The following IGSF3 variants were observed in gnomAD, a reference collection of about 807,000 sequenced individuals.
The protein encoded by IGSF3 is glu-Trp-Ile EWI motif-containing protein 3.
A neutral mutation model predicts 114.4 loss-of-function variants in IGSF3; 23 were observed. The observed-to-expected ratio is 0.20, with a 90% CI of 0.14 to 0.28. The LOEUF is 0.28. Among genes scored for constraint, IGSF3 ranks in the 10% least tolerant of loss-of-function variants. IGSF3 has a pLI of 1.00. For missense variants in IGSF3, 1,172 were observed against 1,591.5 expected (o/e 0.74, Z 4.48); for synonymous variants, 571 against 645.2 (o/e 0.88, Z 1.74).
Position 116,607,806 on chromosome 1 carries a change from T to A in IGSF3, c.1222+136A>T. 2 of 851,710 alleles carry A rather than the reference T, an allele frequency of 2.3e-6. No individual in the cohort carries two copies. The highest frequency in any genetic ancestry group is 3.8e-6 in the Non-Finnish European group (2 of 530,810). 52.8% of individuals were successfully genotyped at this position (851,710 alleles called of 1,614,324 possible). ...CAACAGGGAAGAGAGGCTCAATGGT[T>A]TTTCCCCCAGCTCTGCATTAACCTC... On this transcript the variant is annotated intron_variant, in intron 5 of 10. Transcript: ENST00000369486. The surrounding 1 kb of genome is among the most constrained non-coding windows in gnomAD (Gnocchi z 6.1).
Position 116,662,108 on chromosome 1 carries a change from T to C in IGSF3, c.43+4176A>G, listed in dbSNP as rs1053123586. Among the ~76,000 whole-genome samples, 4 of 151,988 alleles carry C rather than the reference T, an allele frequency of 2.6e-5. No homozygotes were observed. Among genetic ancestry groups the C allele is most frequent in the African/African-American group, 7.2e-5 (3 of 41,404 alleles). On this transcript the variant is annotated intron_variant, in intron 2 of 10. Transcript: ENST00000369486. This position sits in a 1 kb window ranked among gnomAD's most constrained non-coding sequence, Gnocchi z 4.3. ...TTTTTTTGAGACAGAGTTTTGCTCA[T>C]TGCCCAGGCTGGAGTGCAACGGCGC...
rs1288216908 is a variant in IGSF3 at position 116,577,042 on chromosome 1, C to A, written c.*270G>T. On this transcript the variant is annotated 3_prime_UTR_variant, in exon 11 of 11. Transcript: ENST00000369486. This position sits in a 1 kb window ranked among gnomAD's most constrained non-coding sequence, Gnocchi z 5.7. ...GATAAATCTGTGAGTAGATGTGGCA[C>A]CTGGAGCTACTCACTACATTACTAA... 4.7e-6 allele frequency: 2 copies of A among 422,114 alleles called. No homozygotes were observed. Among genetic ancestry groups the A allele is most frequent in the African/African-American group, 4.0e-5 (2 of 49,946 alleles). 26.1% of individuals were successfully genotyped at this position (422,114 alleles called of 1,614,324 possible). A position where few individuals can be genotyped will look rare whatever the true frequency, so the allele number is the denominator to read the frequency against.
At position 116,576,621 on chromosome 1, in the gene IGSF3, T is replaced by C. The variant is rs902620296; in HGVS notation, c.*691A>G. On this transcript the variant is annotated 3_prime_UTR_variant, in exon 11 of 11. Transcript: ENST00000369486. This position sits in a 1 kb window ranked among gnomAD's most constrained non-coding sequence, Gnocchi z 4.6. Reference sequence around the variant, plus strand: ...AGATAGGCCGGGCACCATCTACTCCTAATGGGGTTATGCAGGATTTCTCTT... The same window carrying C: ...AGATAGGCCGGGCACCATCTACTCCCAATGGGGTTATGCAGGATTTCTCTT... The C allele has an allele frequency of 6.5e-6, 1 of 152,682 alleles. No homozygotes were observed. The highest frequency in any genetic ancestry group is 2.4e-5 in the African/African-American group (1 of 41,462). 9.5% of individuals were successfully genotyped at this position (152,682 alleles called of 1,614,324 possible).
In IGSF3 at chr1:116,627,527, G is replaced by A. The variant is rs1375975154; in HGVS notation, c.44-11070C>T. 6.6e-6 allele frequency among the ~76,000 whole-genome samples: 1 copy of A among 152,192 alleles called. No homozygotes were observed. Among genetic ancestry groups the A allele is most frequent in the African/African-American group, 2.4e-5 (1 of 41,450 alleles). On this transcript the variant is annotated intron_variant, in intron 2 of 10. Coordinates refer to ENST00000369486, the MANE Select transcript of IGSF3 (RefSeq NM_001007237.3). This position sits in a 1 kb window ranked among gnomAD's most constrained non-coding sequence, Gnocchi z 4.7. ...TCCTGGAGCTGGCAGGGCCCCAGCAGTGCGCCTCTCAATGCTCTCACAGCT... is the reference window on the plus strand; with the variant it reads ...TCCTGGAGCTGGCAGGGCCCCAGCAATGCGCCTCTCAATGCTCTCACAGCT...
rs1649348935 is a variant in IGSF3 at position 116,666,745 on chromosome 1, T to C, written c.-419A>G. 1.3e-5 allele frequency: 6 copies of C among 456,876 alleles called. No individual in the cohort carries two copies. Among genetic ancestry groups the C allele is most frequent in the African/African-American group, 2.0e-5 (1 of 49,696 alleles). The allele number at this position is 456,876 out of a possible 1,614,324, so 28.3% of individuals were successfully genotyped here. A position where few individuals can be genotyped will look rare whatever the true frequency, so the allele number is the denominator to read the frequency against. On this transcript the variant is annotated 5_prime_UTR_variant, in exon 2 of 11. Coordinates refer to ENST00000369486, the MANE Select transcript of IGSF3 (RefSeq NM_001007237.3). Reference sequence around the variant, plus strand: ...GTGTCTGTGATCTCCCTCATTCGGATTCCCCAGAGAGAACAGGGCAGGTTT... The same window carrying C: ...GTGTCTGTGATCTCCCTCATTCGGACTCCCCAGAGAGAACAGGGCAGGTTT...
In IGSF3 at chr1:116,634,997, T is replaced by C. The variant is rs1647761183; in HGVS notation, c.44-18540A>G. On this transcript the variant is annotated intron_variant, in intron 2 of 10. Transcript: ENST00000369486. This position sits in a 1 kb window ranked among gnomAD's most constrained non-coding sequence, Gnocchi z 4.2. ...TAGTGTCCCAGCCCCAACCACCATC[T>C]GACTGTAACCCCATGAAAGACTGAG... is the stretch of plus-strand genomic sequence containing the variant. Among the ~76,000 whole-genome samples the C allele has an allele frequency of 6.6e-6, 1 of 152,226 alleles. No individual in the cohort carries two copies. Among genetic ancestry groups the C allele is most frequent in the Admixed American group, 6.5e-5 (1 of 15,284 alleles).
In IGSF3 at chr1:116,624,298, A is replaced by G. The variant is rs1224887197; in HGVS notation, c.44-7841T>C. ...AGCAGCAAACCTAAAGTTTGGATCGAATTCCTAAGTCTTCGCCTTCACTGA... is the reference window on the plus strand; with the variant it reads ...AGCAGCAAACCTAAAGTTTGGATCGGATTCCTAAGTCTTCGCCTTCACTGA... On this transcript the variant is annotated intron_variant, in intron 2 of 10. Coordinates refer to ENST00000369486, the MANE Select transcript of IGSF3 (RefSeq NM_001007237.3). This position sits in a 1 kb window ranked among gnomAD's most constrained non-coding sequence, Gnocchi z 4.9. Among the ~76,000 whole-genome samples, 3 of 152,096 alleles carry G rather than the reference A, an allele frequency of 2.0e-5. No homozygotes were observed. In the East Asian group the frequency reaches 5.8e-4, roughly 29 times the overall value.
In IGSF3 at chr1:116,627,633, T is replaced by C. The variant is rs1647355755; in HGVS notation, c.44-11176A>G. Reference sequence around the variant, plus strand: ...CTGCAGGCAGCGTCAGGATGTCAGCTACCAGGCAGCAGAGGGATGCGGGGC... The same window carrying C: ...CTGCAGGCAGCGTCAGGATGTCAGCCACCAGGCAGCAGAGGGATGCGGGGC... On this transcript the variant is annotated intron_variant, in intron 2 of 10. Coordinates refer to ENST00000369486, the MANE Select transcript of IGSF3 (RefSeq NM_001007237.3). The surrounding 1 kb of genome is among the most constrained non-coding windows in gnomAD (Gnocchi z 4.7). 6.6e-6 allele frequency among the ~76,000 whole-genome samples: 1 copy of C among 152,190 alleles called. No homozygotes were observed. Among genetic ancestry groups the C allele is most frequent in the Non-Finnish European group, 1.5e-5 (1 of 68,026 alleles).
rs964792052 is a variant in IGSF3 at position 116,628,563 on chromosome 1, AACCATTCCCC to A, written c.44-12116_44-12107del. The stretch of plus-strand genomic sequence containing the variant: ...CAACAGGGACTGTGAAGGGCCCCCA[AACCATTCCCC>A]ACCAAGAGTGTGGGTGGCAGGCACC... On this transcript the variant is annotated intron_variant, in intron 2 of 10. Transcript: ENST00000369486. The surrounding 1 kb of genome is among the most constrained non-coding windows in gnomAD (Gnocchi z 4.2). 6.6e-6 allele frequency among the ~76,000 whole-genome samples: 1 copy of A among 152,108 alleles called. No individual in the cohort carries two copies. Among genetic ancestry groups the A allele is most frequent in the Non-Finnish European group, 1.5e-5 (1 of 68,000 alleles).
In IGSF3 at chr1:116,616,378, C is replaced by A; in HGVS notation, c.123G>T (p.Trp41Cys). ...YRTEGSHITI[W>C]CNVSGYQGPS... The stretch of plus-strand genomic sequence containing the variant: ...GTCCCTGGTAGCCACTCACATTGCA[C>A]CAGATAGTGATGTGGGAGCCCTCCG... Residue 41 changes from tryptophan to cysteine, a missense_variant, in exon 3 of 11, where the codon TGG becomes TGT. By Grantham distance (215) the Trp-to-Cys change is radical (BLOSUM62 -2). Coordinates refer to ENST00000369486, the MANE Select transcript of IGSF3 (RefSeq NM_001007237.3). This position sits in a 1 kb window ranked among gnomAD's most constrained non-coding sequence, Gnocchi z 6.6. The A allele has an allele frequency of 6.2e-7, 1 of 1,611,612 alleles. No homozygotes were observed. The highest frequency in any genetic ancestry group is 8.5e-7 in the Non-Finnish European group (1 of 1,179,436).
In IGSF3 at chr1:116,616,096, T is replaced by G. The variant is rs370696437; in HGVS notation, c.405A>C (p.Ala135=). 22 of 1,601,780 alleles carry G rather than the reference T, an allele frequency of 1.4e-5. No individual in the cohort carries two copies. Among genetic ancestry groups the G allele is most frequent in the Non-Finnish European group, 1.9e-5 (22 of 1,169,604 alleles). Residue 135 remains alanine (A), a synonymous_variant, in exon 3 of 11, where the codon GCA becomes GCC. Transcript: ENST00000369486. The surrounding 1 kb of genome is among the most constrained non-coding windows in gnomAD (Gnocchi z 6.6). ...TDKQYFGSYS[A]KMNLVVIPDS... is the part of the protein sequence containing the mutation. ...TCTCCTTACCCACTAGGTTCATCTT[T>G]GCACTGTAACTCCCAAAGTATTGCT...
At chr1:116,587,891 GA>G (rs1659920409) in intron 8 of IGSF3, among the ~76,000 whole-genome samples, 1 of 152,322 alleles carries the variant, frequency 6.6e-6, no homozygotes, top group Non-Finnish European at 1.5e-5. Flanking sequence ...AGGGATGTGA[GA>G]ATGAGGGGTG....
In IGSF3 at chr1:116,651,100, G is replaced by A. The variant is rs1048208361; in HGVS notation, c.43+15184C>T. On this transcript the variant is annotated intron_variant, in intron 2 of 10. Transcript: ENST00000369486. This position sits in a 1 kb window ranked among gnomAD's most constrained non-coding sequence, Gnocchi z 4.4. Reference sequence around the variant, plus strand: ...AAAAAGGAAGCTCACAATAAGGAACGCCCATGCCTAGCCATAACTGAGCAC... The same window carrying A: ...AAAAAGGAAGCTCACAATAAGGAACACCCATGCCTAGCCATAACTGAGCAC... Among the ~76,000 whole-genome samples, 40 of 152,316 alleles carry A rather than the reference G, an allele frequency of 2.6e-4. No homozygotes were observed. Among genetic ancestry groups the A allele is most frequent in the Admixed American group, 2.0e-3 (30 of 15,298 alleles).
chr1:116,663,143 TG>T (rs1649181991), intron 2 of IGSF3, among the ~76,000 whole-genome samples: 1 of 152,238 alleles, frequency 6.6e-6, no homozygotes, highest in South Asian at 2.1e-4. Context: ...AGCACTGGTC[TG>T]GGAGGTATAT....
rs1189914440 is a variant in IGSF3, at chr1:116,577,466, A to T, written c.3431T>A (p.Ile1144Asn). Residue 1144 changes from isoleucine (I) to asparagine (N), a missense_variant, in exon 11 of 11, where the codon ATC (isoleucine) becomes AAC (asparagine). This residue lies in a region of IGSF3 where 423 missense variants were observed against 509.8 expected (regional missense o/e 0.83). Transcript: ENST00000369486. This position sits in a 1 kb window ranked among gnomAD's most constrained non-coding sequence, Gnocchi z 5.7. ...CCGGCTCTTGAAACGCACCAGAAGG[A>T]TGGTGATGATAAGAATGCCAAAGAT... ...FPIFGILIIT[I>N]LLVRFKSRNS... 6.2e-7 allele frequency: 1 copy of T among 1,614,014 alleles called. No individual in the cohort carries two copies. Among genetic ancestry groups the T allele is most frequent in the Non-Finnish European group, 8.5e-7 (1 of 1,180,020 alleles).
Position 116,579,281 on chromosome 1 carries a change from C to A in IGSF3, c.3334+111G>T. On this transcript the variant is annotated intron_variant, in intron 10 of 10. Coordinates refer to ENST00000369486, the MANE Select transcript of IGSF3 (RefSeq NM_001007237.3). The surrounding 1 kb of genome is among the most constrained non-coding windows in gnomAD (Gnocchi z 6.4). ...ATATCTCAAATCCTACTAATAAATGCCCATGACAGTTAAGAAAACTGTTTA... is the reference window on the plus strand; with the variant it reads ...ATATCTCAAATCCTACTAATAAATGACCATGACAGTTAAGAAAACTGTTTA... The A allele has an allele frequency of 7.4e-7, 1 of 1,352,628 alleles. No homozygotes were observed. The highest frequency in any genetic ancestry group is 1.0e-6 in the Non-Finnish European group (1 of 991,856). The allele number at this position is 1,352,628 out of a possible 1,614,324, so 83.8% of individuals were successfully genotyped here. A position where few individuals can be genotyped will look rare whatever the true frequency, so the allele number is the denominator to read the frequency against.
At chr1:116,613,274 A>G (rs1321211107) in intron 4 of IGSF3, among the ~76,000 whole-genome samples, 1 of 152,230 alleles carries the variant, frequency 6.6e-6, no homozygotes, top group Non-Finnish European at 1.5e-5. Flanking sequence ...GATAAAAAAT[A>G]ATAATTTAAG....
At chr1:116,646,372 A>C (rs939268344) in intron 2 of IGSF3, among the ~76,000 whole-genome samples, 51 of 152,330 alleles carry the variant, frequency 3.3e-4, no homozygotes, top group African/African-American at 1.2e-3. Flanking sequence ...GGATGGATTC[A>C]GAAGACTTCC....
Position 116,633,181 on chromosome 1 carries a change from T to C in IGSF3, c.44-16724A>G, listed in dbSNP as rs1031238847. On this transcript the variant is annotated intron_variant, in intron 2 of 10. Transcript: ENST00000369486. This position sits in a 1 kb window ranked among gnomAD's most constrained non-coding sequence, Gnocchi z 4.3. ...GGTCCCAGCCTGGGCATGGTACCAC[T>C]GTCCTACATTCCAGCCATTTGGGAT... 2.6e-5 allele frequency among the ~76,000 whole-genome samples: 4 copies of C among 152,244 alleles called. No homozygotes were observed. The highest frequency in any genetic ancestry group is 4.4e-5 in the Non-Finnish European group (3 of 68,042).
Sources: allele counts gnomAD v4.1 joint callset (sites outside exome capture counted in the v4.1 genomes callset), GRCh38; gene constraint gnomAD v4.1.1; regional missense constraint gnomAD v4.1.1; non-coding constraint Gnocchi (gnomAD v3.1); transcripts MANE v1.5; gene names NCBI Gene and HGNC (gene_info 2026-07-23, HGNC 2026-07-21).